CLDN10: variants seen among roughly 807,000 people sequenced by gnomAD.
The protein encoded by CLDN10 is claudin-10.
CLDN10 carries 15 observed loss-of-function variants against 22.9 expected under a neutral mutation model. The ratio of observed to expected loss-of-function variants is 0.65; its 90% CI spans 0.44 to 1.01. CLDN10 has a LOEUF of 1.01. Among genes scored for constraint, CLDN10 ranks in the 50% least tolerant of loss-of-function variants. CLDN10 has a pLI of 0.00. For missense variants in CLDN10, 247 were observed against 287.8 expected, an observed-to-expected ratio of 0.86 and a Z score of 1.03; for synonymous variants, 114 against 111.4, an observed-to-expected ratio of 1.02 and a Z score of -0.15.
chr13:95,511,418 C>A (rs1271375353), intron 1 of CLDN10, among the ~76,000 whole-genome samples: 1 of 151,620 alleles, frequency 6.6e-6, no homozygotes, highest in African/African-American at 2.4e-5. Context: ...ACTTTCAAAC[C>A]TATGTTTGTT....
At chr13:95,513,214 T>C (rs546199631) in intron 1 of CLDN10, among the ~76,000 whole-genome samples, 75 of 152,328 alleles carry the variant, frequency 4.9e-4, no homozygotes, top group Non-Finnish European at 8.5e-4. Context: ...TTTGGAACTT[T>C]CCTACCATTG....
At chr13:95,521,099 T>C (rs2043220186) in intron 1 of CLDN10, among the ~76,000 whole-genome samples, 2 of 125,672 alleles carry the variant, frequency 1.6e-5, no homozygotes, top group South Asian at 5.2e-4. Context: ...CTCTTGGATT[T>C]TGTATACATA....
intron 1 of CLDN10, among the ~76,000 whole-genome samples, chr13:95,518,180 G>A (rs1030554686): frequency 1.2e-4 from 19 of 152,192 alleles, no homozygotes; most frequent in African/African-American, 4.6e-4. Context: ...TAGAATGAGT[G>A]AATGCGTGTA....
chr13:95,458,886 A>T (rs1366960142), intron 1 of CLDN10, among the ~76,000 whole-genome samples: 2 of 152,164 alleles, frequency 1.3e-5, no homozygotes, highest in Non-Finnish European at 2.9e-5. Context: ...AGTACCTTCC[A>T]CCTATGAGCC....
intron 1 of CLDN10, among the ~76,000 whole-genome samples, chr13:95,483,666 G>A (rs2042773484): frequency 6.6e-6 from 1 of 152,220 alleles, no homozygotes; most frequent in Non-Finnish European, 1.5e-5. Flanking sequence ...ACCCAAGGCT[G>A]ACAGTCTCAG....
upstream of CLDN10, among the ~76,000 whole-genome samples, chr13:95,549,642 G>C (rs901175456): frequency 7.9e-5 from 12 of 152,060 alleles, no homozygotes; most frequent in African/African-American, 2.9e-4. Flanking sequence ...TCATTCTTTG[G>C]TCAGGAACTC....
intron 1 of CLDN10, among the ~76,000 whole-genome samples, chr13:95,478,884 G>A (rs2042711390): frequency 6.6e-6 from 1 of 152,232 alleles, no homozygotes; most frequent in African/African-American, 2.4e-5. Context: ...GGAGCCTCAG[G>A]GAGTTATAGG....
chr13:95,560,947 G>C (rs895220108), intron 3 of CLDN10: 1 of 154,936 alleles, frequency 6.5e-6, no homozygotes, highest in African/African-American at 2.4e-5. Flanking sequence ...AACTGTATAC[G>C]ATGCAAGGTT....
At chr13:95,511,305 C>A (rs2043095278) in intron 1 of CLDN10, among the ~76,000 whole-genome samples, 1 of 151,892 alleles carries the variant, frequency 6.6e-6, no homozygotes, top group Non-Finnish European at 1.5e-5. Flanking sequence ...AAAGCAAAAC[C>A]TATGATAGAA....
At position 95,560,431 on chromosome 13, in the gene CLDN10, G is replaced by A. The variant is rs116119435; in HGVS notation, c.432G>A (p.Thr144=). The A allele has an allele frequency of 3.7e-6, 6 of 1,613,718 alleles. No homozygotes were observed. The highest frequency in any genetic ancestry group is 2.2e-5 in the South Asian group (2 of 91,068). The change falls in exon 3 of 5, where the codon ACG becomes ACA. Residue 144 remains threonine, a synonymous_variant. Coordinates refer to ENST00000299339, the MANE Select transcript of CLDN10 (RefSeq NM_006984.5). Reference sequence around the variant, plus strand: ...CCCTATATGCAAACAAAATCACAACGGAATTCTTTGATCCTCTCTTTGTTG... The same window carrying A: ...CCCTATATGCAAACAAAATCACAACAGAATTCTTTGATCCTCTCTTTGTTG... ...GCSLYANKIT[T]EFFDPLFVEQ...
rs183934388 is a variant in CLDN10 at position 95,507,227 on chromosome 13, A to G, written c.215-52905A>G. ...CATCTTCAACAGATAAACATTTTTG[A>G]GTTGGGGGAAGAGTAGGGTTAAGGC... On this transcript the variant is annotated intron_variant, in intron 1 of 4. Coordinates refer to the CLDN10 transcript ENST00000376873. Among the ~76,000 whole-genome samples, 69 of 152,234 alleles carry G rather than the reference A, an allele frequency of 4.5e-4. 1 individual carries two copies. The highest frequency in any genetic ancestry group is 1.6e-3 in the African/African-American group (68 of 41,520).
chr13:95,447,121 T>G (rs1390745184), intron 1 of CLDN10, among the ~76,000 whole-genome samples: 1 of 152,226 alleles, frequency 6.6e-6, no homozygotes, highest in Non-Finnish European at 1.5e-5. Flanking sequence ...GCCATCCTAC[T>G]GGGAGGCTGA....
chr13:95,518,463 G>A (rs1350989822), intron 1 of CLDN10, among the ~76,000 whole-genome samples: 1 of 152,106 alleles, frequency 6.6e-6, no homozygotes, highest in Non-Finnish European at 1.5e-5. Context: ...ACATAAAAAT[G>A]TCTGATTTTA....
intron 1 of CLDN10, among the ~76,000 whole-genome samples, chr13:95,441,658 C>T (rs1305425470): frequency 1.3e-5 from 2 of 152,208 alleles, no homozygotes; most frequent in Non-Finnish European, 2.9e-5. Context: ...GCTTGAAATG[C>T]AGAATCTCAG....
rs112103389 is a variant in CLDN10, at chr13:95,491,672, G to A, written c.214+57625G>A. 4.6e-3 allele frequency among the ~76,000 whole-genome samples: 703 copies of A among 151,900 alleles called. 6 individuals are homozygous for A. The highest frequency in any genetic ancestry group is 0.016 in the African/African-American group (670 of 41,438). On this transcript the variant is annotated intron_variant, in intron 1 of 4. Transcript: ENST00000376873. The stretch of plus-strand genomic sequence containing the variant: ...CCTGAATTCTTTTTCAGGTAAATCC[G>A]GGATTTCTTCTTGGTTTGGATCCAT...
intron 3 of CLDN10, among the ~76,000 whole-genome samples, chr13:95,562,175 AC>A (rs1262614690): frequency 2.0e-5 from 3 of 150,840 alleles, no homozygotes; most frequent in African/African-American, 7.3e-5. Flanking sequence ...CAGGTGATCC[AC>A]CCGCCTCAGC....
At chr13:95,490,116 T>C (rs2042855374) in intron 1 of CLDN10, among the ~76,000 whole-genome samples, 2 of 152,246 alleles carry the variant, frequency 1.3e-5, no homozygotes. Flanking sequence ...TTTTGGTGAC[T>C]ATGGCTTTAT....
chr13:95,452,968 A>C (rs2042446113), intron 1 of CLDN10, among the ~76,000 whole-genome samples: 1 of 152,212 alleles, frequency 6.6e-6, no homozygotes. Flanking sequence ...TGTGTTTCTT[A>C]AAATACTTGT....
chr13:95,444,378 G>C (rs1244274557), intron 1 of CLDN10, among the ~76,000 whole-genome samples: 1 of 152,186 alleles, frequency 6.6e-6, no homozygotes, highest in Non-Finnish European at 1.5e-5. Flanking sequence ...GTGCATTGCA[G>C]GAAAAATTGA....
Sources: gnomAD v4.1 joint callset for allele counts (sites outside exome capture counted in the v4.1 genomes callset) on GRCh38, gnomAD v4.1.1 for gene constraint, MANE v1.5 for transcripts, NCBI Gene and HGNC (gene_info 2026-07-23, HGNC 2026-07-21) for gene names.